FAM76B: variants seen among roughly 807,000 people sequenced by gnomAD.
FAM76B encodes the protein protein FAM76B.
In FAM76B, 16 loss-of-function variants were observed where a neutral mutation model predicts 51.8. That is an observed-to-expected ratio of 0.31 (90% confidence interval 0.21 to 0.47). The LOEUF (loss-of-function observed/expected upper bound fraction) is 0.47, where lower values mean the gene tolerates loss of function less well. Ranked by LOEUF, FAM76B falls within the 20% of genes least tolerant of loss-of-function variation. FAM76B has a pLI of 1.00. For missense variants in FAM76B, 342 were observed against 392.6 expected (o/e 0.87, Z 1.09); for synonymous variants, 166 against 129.5 (o/e 1.28, Z -1.91).
At position 95,769,336 on chromosome 11, in the gene FAM76B, T is replaced by A. The variant is rs751486162; in HGVS notation, c.*2225A>T. 3 of 152,260 alleles carry A rather than the reference T, an allele frequency of 2.0e-5. No homozygotes were observed. The highest frequency in any genetic ancestry group is 6.6e-5 in the Admixed American group (1 of 15,196). 9.4% of individuals were successfully genotyped at this position (152,260 alleles called of 1,614,324 possible). ...ACTAATTTATACAATTGCAAAAAAATTTAAGTTATAAAATAAGGTCATGGA... is the reference window on the plus strand; with the variant it reads ...ACTAATTTATACAATTGCAAAAAAAATTAAGTTATAAAATAAGGTCATGGA... On this transcript the variant is annotated 3_prime_UTR_variant, in exon 10 of 10. Coordinates refer to ENST00000358780, the MANE Select transcript of FAM76B (RefSeq NM_144664.5).
At chr11:95,787,179 T>G (rs974641551) in intron 3 of FAM76B, among the ~76,000 whole-genome samples, 2 of 152,210 alleles carry the variant, frequency 1.3e-5, no homozygotes, top group Non-Finnish European at 2.9e-5. Context: ...CATCAAAGTA[T>G]CTATAGAAAA....
chr11:95,782,303 C>T (rs1315408555), intron 5 of FAM76B, among the ~76,000 whole-genome samples: 3 of 152,014 alleles, frequency 2.0e-5, no homozygotes, highest in Admixed American at 1.3e-4. Flanking sequence ...ATGGGACCAC[C>T]TATAGGAGAA....
intron 5 of FAM76B, among the ~76,000 whole-genome samples, chr11:95,780,912 A>G (rs1055428312): frequency 6.6e-6 from 1 of 152,136 alleles, no homozygotes; most frequent in South Asian, 2.1e-4. Context: ...AAAATTTACT[A>G]TTGGTTCAGC....
intron 9 of FAM76B, among the ~76,000 whole-genome samples, chr11:95,775,006 A>AGG (rs1859932913): frequency 2.0e-5 from 3 of 151,204 alleles, no homozygotes; most frequent in South Asian, 4.2e-4. Flanking sequence ...ACAATGTGAA[A>AGG]AAAAAAAAAC....
intron 3 of FAM76B, among the ~76,000 whole-genome samples, chr11:95,787,087 A>G (rs1342497406): frequency 1.3e-5 from 2 of 152,206 alleles, no homozygotes; most frequent in Admixed American, 6.5e-5. Flanking sequence ...TCTCTAAAGA[A>G]CAGCTTCACA....
Position 95,779,570 on chromosome 11 carries a change from G to A in FAM76B, c.692+37C>T, listed in dbSNP as rs762582449. 3 of 1,546,268 alleles carry A rather than the reference G, an allele frequency of 1.9e-6. No homozygotes were observed. In the African/African-American group the frequency reaches 4.2e-5, roughly 22 times the overall value. ...CATTCAACCATAACTATTCAACTAA[G>A]TTGAATTTTCATAACACTAAAAGAA... On this transcript the variant is annotated intron_variant, in intron 7 of 9. Coordinates refer to ENST00000358780, the MANE Select transcript of FAM76B (RefSeq NM_144664.5).
intron 8 of FAM76B, among the ~76,000 whole-genome samples, chr11:95,776,750 G>T (rs931963883): frequency 1.3e-5 from 2 of 151,150 alleles, no homozygotes; most frequent in Non-Finnish European, 3.0e-5. Context: ...AACTAAATAA[G>T]TTATTATGTA....
At chr11:95,771,967 G>T (rs908573162) in intron 9 of FAM76B, among the ~76,000 whole-genome samples, 9 of 150,984 alleles carry the variant, frequency 6.0e-5, no homozygotes, top group African/African-American at 2.2e-4. Context: ...ATAGGGAAAA[G>T]GTGTTTGGCC....
rs764352249 is a variant in FAM76B at position 95,771,613 on chromosome 11, A to G, written c.968T>C (p.Leu323Ser). 1.9e-6 allele frequency: 3 copies of G among 1,607,544 alleles called. No individual in the cohort carries two copies. The highest frequency in any genetic ancestry group is 1.7e-6 in the Non-Finnish European group (2 of 1,175,318). The change falls in exon 10 of 10, where the codon TTA becomes TCA. Residue 323 changes from leucine to serine, a missense_variant. By Grantham distance (145) the Leu-to-Ser change is moderately radical (BLOSUM62 -2). This residue lies in a region of FAM76B where 230 missense variants were observed against 257.4 expected (regional missense o/e 0.89). Transcript: ENST00000358780. ...TTTGTCAAATTTTTTACCCTTTGAT[A>G]ATGCTGCGACCTGTTTGAGTAGTTC... The part of the protein sequence containing the change: ...NRELLKQVAA[L>S]SKGKKFDKSG...
intron 5 of FAM76B, among the ~76,000 whole-genome samples, chr11:95,780,403 C>G (rs2120238535): frequency 6.6e-6 from 1 of 151,922 alleles, no homozygotes; most frequent in African/African-American, 2.4e-5. Flanking sequence ...TTGATTCTTT[C>G]CTAGTTTTCT....
chr11:95,774,061 CTA>C (rs1212163598), intron 9 of FAM76B, among the ~76,000 whole-genome samples: 8 of 151,252 alleles, frequency 5.3e-5, no homozygotes, highest in Non-Finnish European at 1.0e-4. Context: ...TGGCACTCAG[CTA>C]TGACAGATTG....
chr11:95,789,407 G>C lies in FAM76B; in HGVS notation c.72C>G (p.Gly24=). The C allele has an allele frequency of 1.2e-6, 2 of 1,605,126 alleles. No individual in the cohort carries two copies. Among genetic ancestry groups the C allele is most frequent in the South Asian group, 2.2e-5 (2 of 89,402 alleles). ...QRYPFEELSQ[G]QQLCKECRIA... Reference sequence around the variant, plus strand: ...GCCCACGGACCTTGCAGAGCTGCTGGCCCTGGGAGAGCTCCTCGAAAGGAT... The same window carrying C: ...GCCCACGGACCTTGCAGAGCTGCTGCCCCTGGGAGAGCTCCTCGAAAGGAT... The change falls in exon 1 of 10, where the codon GGC becomes GGG. Residue 24 remains glycine, a synonymous_variant. Coordinates refer to ENST00000358780, the MANE Select transcript of FAM76B (RefSeq NM_144664.5).
At chr11:95,788,368 T>A in intron 2 of FAM76B, 131 bp downstream of exon 2, 1 of 741,884 alleles carries the variant, frequency 1.3e-6, no homozygotes, top group Non-Finnish European at 2.2e-6. Flanking sequence ...ATAAAAGGTT[T>A]ACAACTTAAA....
Position 95,770,808 on chromosome 11 carries a change from A to C in FAM76B, c.*753T>G, listed in dbSNP as rs1436860080. 2 of 151,756 alleles carry C rather than the reference A, an allele frequency of 1.3e-5. No homozygotes were observed. Among genetic ancestry groups the C allele is most frequent in the Admixed American group, 1.3e-4 (2 of 15,142 alleles). 9.4% of individuals were successfully genotyped at this position (151,756 alleles called of 1,614,324 possible). A position where few individuals can be genotyped will look rare whatever the true frequency, so the allele number is the denominator to read the frequency against. On this transcript the variant is annotated 3_prime_UTR_variant, in exon 10 of 10. Coordinates refer to ENST00000358780, the MANE Select transcript of FAM76B (RefSeq NM_144664.5). The stretch of plus-strand genomic sequence containing the variant: ...TGCATTTATATACAAACATTTATTA[A>C]ACATGATTTTAAAACAAAATGTATG...
At chr11:95,778,511 A>G (rs1860111618) in intron 8 of FAM76B, among the ~76,000 whole-genome samples, 1 of 151,600 alleles carries the variant, frequency 6.6e-6, no homozygotes, top group Non-Finnish European at 1.5e-5. Context: ...AAAAAAGTTT[A>G]TGAAATATTC....
intron 9 of FAM76B, among the ~76,000 whole-genome samples, chr11:95,772,256 G>A (rs1859799884): frequency 6.6e-6 from 1 of 150,980 alleles, no homozygotes; most frequent in African/African-American, 2.4e-5. Context: ...CCAGTCATCT[G>A]ACACTGATTT....
chr11:95,789,351 C>A, intron 1 of FAM76B, 41 bp downstream of exon 1: 1 of 1,555,146 alleles, frequency 6.4e-7, no homozygotes, highest in Non-Finnish European at 8.7e-7. Flanking sequence ...CCGGCTACGG[C>A]CGAGGACACC....
rs1167915909 is a variant in FAM76B, at chr11:95,788,700, C to T, written c.88-137G>A. The T allele has an allele frequency of 4.1e-6, 5 of 1,211,168 alleles. No individual in the cohort carries two copies. The Admixed American group carries it at 7.7e-5, about 19-fold the overall frequency. 75.0% of individuals were successfully genotyped at this position (1,211,168 alleles called of 1,614,324 possible). On this transcript the variant is annotated intron_variant, in intron 1 of 9. Coordinates refer to ENST00000358780, the MANE Select transcript of FAM76B (RefSeq NM_144664.5). ...TGGCCCCAACGTAAAGAACTGGATGCTTTATCATATAAGTGGCCAATCACA... is the reference window on the plus strand; with the variant it reads ...TGGCCCCAACGTAAAGAACTGGATGTTTTATCATATAAGTGGCCAATCACA...
At chr11:95,771,795 A>T in intron 9 of FAM76B, 145 bp from the exon 10 acceptor site, 3 of 604,942 alleles carry the variant, frequency 5.0e-6, no homozygotes, top group Non-Finnish European at 8.2e-6. Context: ...TGATACCTTT[A>T]CATTCATCTC....
Sources: gnomAD v4.1 joint callset for allele counts (sites outside exome capture counted in the v4.1 genomes callset) on GRCh38, gnomAD v4.1.1 for gene constraint, gnomAD v4.1.1 regional missense constraint, MANE v1.5 for transcripts, NCBI Gene and HGNC (gene_info 2026-07-23, HGNC 2026-07-21) for gene names.